Variants in EYS observed in about 807,000 individuals in gnomAD.
EYS encodes EGF-like photoreceptor maintenance factor.
EYS carries 250 observed loss-of-function variants against 282.1 expected under a neutral mutation model. The observed-to-expected ratio is 0.89, with a 90% CI of 0.80 to 0.98. The LOEUF is 0.98. Ranked by LOEUF, EYS falls within the 50% of genes least tolerant of loss-of-function variation. EYS has a pLI of 0.00. For synonymous variants in EYS, 1,355 were observed against 1,282.9 expected, an observed-to-expected ratio of 1.06 and a Z score of -1.20; for missense variants, 4,016 against 3,709.0, an observed-to-expected ratio of 1.08 and a Z score of -2.15.
chr6:65,686,090 T>C (rs1471366531), intron 1 of EYS, among the ~76,000 whole-genome samples: 2 of 152,166 alleles, frequency 1.3e-5, no homozygotes, highest in Admixed American at 1.3e-4. Context: ...TTCTTCCCAG[T>C]GTCACCCTAC....
intron 1 of EYS, among the ~76,000 whole-genome samples, chr6:65,685,255 C>T (rs542023442): frequency 9.2e-5 from 14 of 152,064 alleles, no homozygotes; most frequent in South Asian, 4.1e-4. Context: ...CACATAGAGA[C>T]GTCAATGGCC....
At chr6:64,329,224 T>A (rs1770543890) in intron 29 of EYS, among the ~76,000 whole-genome samples, 1 of 152,162 alleles carries the variant, frequency 6.6e-6, no homozygotes, top group African/African-American at 2.4e-5. Context: ...TATGTCAATA[T>A]AATTGGAGCT....
intron 36 of EYS, chr6:63,822,711 C>T (rs1771355702): frequency 6.6e-6 from 1 of 152,146 alleles, no homozygotes; most frequent in Admixed American, 6.5e-5. Context: ...AGATTTGTAT[C>T]TTCTTTTCTA....
At chr6:65,327,539 A>AT (rs1769658575) in intron 11 of EYS, among the ~76,000 whole-genome samples, 1 of 151,580 alleles carries the variant, frequency 6.6e-6, no homozygotes, top group Non-Finnish European at 1.5e-5. Context: ...CCTGAAATGG[A>AT]TACACTAAAA....
At chr6:64,875,634 C>T (rs183864943) in intron 19 of EYS, among the ~76,000 whole-genome samples, 121 of 152,150 alleles carry the variant, frequency 8.0e-4, no homozygotes, top group African/African-American at 2.8e-3. Flanking sequence ...AAACACTGAA[C>T]AACTAGGAAT....
At chr6:63,745,356 A>G (rs563413560) in intron 41 of EYS, among the ~76,000 whole-genome samples, 4 of 152,204 alleles carry the variant, frequency 2.6e-5, no homozygotes, top group Non-Finnish European at 5.9e-5. Flanking sequence ...TGATGCACCT[A>G]TAGGCAAGGG....
At chr6:64,648,662 G>A (rs1380465288) in intron 22 of EYS, among the ~76,000 whole-genome samples, 1 of 152,072 alleles carries the variant, frequency 6.6e-6, no homozygotes, top group Non-Finnish European at 1.5e-5. Context: ...CAAGGTAAAC[G>A]ATTTATAATC....
At chr6:63,931,895 G>A (rs529576786) in intron 35 of EYS, among the ~76,000 whole-genome samples, 14 of 152,104 alleles carry the variant, frequency 9.2e-5, no homozygotes, top group African/African-American at 3.1e-4. Context: ...CTGTAATTTT[G>A]TATTGTTACC....
At chr6:64,023,645 C>G (rs572739468) in intron 33 of EYS, among the ~76,000 whole-genome samples, 1 of 152,246 alleles carries the variant, frequency 6.6e-6, no homozygotes, top group Non-Finnish European at 1.5e-5. Flanking sequence ...TAGCTCTCGG[C>G]ACCTCCTTTG....
intron 12 of EYS, among the ~76,000 whole-genome samples, chr6:65,078,245 T>G (rs1450657258): frequency 6.6e-6 from 1 of 152,168 alleles, no homozygotes; most frequent in Non-Finnish European, 1.5e-5. Flanking sequence ...TTATGTCAAC[T>G]ATTATTTCAT....
chr6:63,935,814 C>G (rs545786311), intron 35 of EYS, among the ~76,000 whole-genome samples: 1 of 152,256 alleles, frequency 6.6e-6, no homozygotes, highest in Non-Finnish European at 1.5e-5. Flanking sequence ...ACATACAATC[C>G]TAATAAGAAT....
At chr6:65,369,876 T>C (rs1195030652) in intron 8 of EYS, among the ~76,000 whole-genome samples, 1 of 151,654 alleles carries the variant, frequency 6.6e-6, no homozygotes, top group East Asian at 1.9e-4. Flanking sequence ...ACTCTAACTA[T>C]TCCTTTTCAA....
intron 22 of EYS, among the ~76,000 whole-genome samples, chr6:64,700,103 C>T (rs1305652853): frequency 1.3e-5 from 2 of 151,886 alleles, no homozygotes; most frequent in Non-Finnish European, 2.9e-5. Context: ...AAATGTGATT[C>T]CCCACATAAA....
intron 12 of EYS, among the ~76,000 whole-genome samples, chr6:65,195,297 T>A (rs929156737): frequency 6.6e-6 from 1 of 152,100 alleles, no homozygotes; most frequent in Non-Finnish European, 1.5e-5. Context: ...GTTATTCTTC[T>A]GGATATAGCG....
intron 2 of EYS, among the ~76,000 whole-genome samples, chr6:65,568,555 T>C (rs1764366037): frequency 1.3e-5 from 2 of 152,174 alleles, no homozygotes; most frequent in Non-Finnish European, 2.9e-5. Context: ...ATGTTTTACA[T>C]AAGTGAAAAT....
chr6:65,703,621 AATTATCT>A (rs1273134710), intron 1 of EYS, among the ~76,000 whole-genome samples: 3 of 151,482 alleles, frequency 2.0e-5, no homozygotes, highest in African/African-American at 7.3e-5. Flanking sequence ...AAAATATTAA[AATTATCT>A]ATTATCTATA....
chr6:64,234,900 A>G (rs1273328822), intron 30 of EYS, among the ~76,000 whole-genome samples: 6 of 150,644 alleles, frequency 4.0e-5, no homozygotes, highest in Non-Finnish European at 8.9e-5. Flanking sequence ...TTCTTTTGAG[A>G]CAGAGTCTCG....
chr6:63,820,451 T>C (rs1489991051), intron 36 of EYS, among the ~76,000 whole-genome samples: 1 of 152,158 alleles, frequency 6.6e-6, no homozygotes, highest in Non-Finnish European at 1.5e-5. Flanking sequence ...TCAATAGTTT[T>C]AAAAAAATTG....
At chr6:65,210,210 A>T (rs78249361) in intron 12 of EYS, among the ~76,000 whole-genome samples, 6,548 of 152,124 alleles carry the variant, frequency 0.043, 197 homozygotes, top group Non-Finnish European at 0.069. Flanking sequence ...TAGAATTGAC[A>T]AATTACATGC....
Sources: gnomAD v4.1 joint callset for allele counts (sites outside exome capture counted in the v4.1 genomes callset) on GRCh38, gnomAD v4.1.1 for gene constraint, MANE v1.5 for transcripts, NCBI Gene and HGNC (gene_info 2026-07-23, HGNC 2026-07-21) for gene names.